Variants in NOL4 observed in about 807,000 individuals in gnomAD.
The protein encoded by NOL4 is cancer/testis antigen 125.
NOL4 carries 17 observed loss-of-function variants against 75.9 expected under a neutral mutation model. The ratio of observed to expected loss-of-function variants is 0.22; its 90% CI spans 0.15 to 0.34. The LOEUF (loss-of-function observed/expected upper bound fraction) is 0.34, where lower values mean the gene tolerates loss of function less well. Ranked by LOEUF, NOL4 falls within the 10% of genes least tolerant of loss-of-function variation. NOL4 has a pLI of 1.00. For missense variants in NOL4, 614 were observed against 793.5 expected (o/e 0.77, Z 2.72); for synonymous variants, 292 against 289.9 (o/e 1.01, Z -0.07).
At chr18:33,964,499 GAAAGA>G (rs542246996) in intron 6 of NOL4, among the ~76,000 whole-genome samples, 242 of 151,672 alleles carry the variant, frequency 1.6e-3, no homozygotes, top group African/African-American at 5.4e-3. Flanking sequence ...GGACAGAAAA[GAAAGA>G]AAAGAAAGGA....
chr18:34,095,968 A>ATG (rs1162996705), intron 4 of NOL4, among the ~76,000 whole-genome samples: 2 of 135,176 alleles, frequency 1.5e-5, no homozygotes, highest in African/African-American at 2.5e-5. Context: ...ATATGAGGAT[A>ATG]TGTATGTGTG....
rs1161399405 is a variant in NOL4, at chr18:34,204,381, TTTTTA to T, written c.264+18604_264+18608del. On this transcript the variant is annotated intron_variant, in intron 1 of 10. Transcript: ENST00000261592. The stretch of plus-strand genomic sequence containing the variant: ...TATCATATTTGTCTTATTTCATTCC[TTTTTA>T]TTTTAATATTCTGAGGTTTAATATT... Among the ~76,000 whole-genome samples, 4 of 152,244 alleles carry T rather than the reference TTTTTA, an allele frequency of 2.6e-5. No homozygotes were observed. In the East Asian group the frequency reaches 5.8e-4, roughly 22 times the overall value.
intron 6 of NOL4, among the ~76,000 whole-genome samples, chr18:33,965,151 T>C (rs573693182): frequency 2.2e-4 from 33 of 152,246 alleles, no homozygotes; most frequent in African/African-American, 7.2e-4. Flanking sequence ...AGTTAAGATA[T>C]GGAGATGATA....
chr18:34,034,350 C>G (rs1161085773), intron 5 of NOL4, among the ~76,000 whole-genome samples: 1 of 152,106 alleles, frequency 6.6e-6, no homozygotes, highest in East Asian at 1.9e-4. Context: ...TTAAAATAAT[C>G]CAACTACAAA....
At chr18:33,925,137 C>T (rs984326186) in intron 9 of NOL4, among the ~76,000 whole-genome samples, 5 of 52,006 alleles carry the variant, frequency 9.6e-5, no homozygotes, top group Admixed American at 2.2e-4. Context: ...TTAAAATATA[C>T]AATAACACAA....
At chr18:33,868,247 T>C (rs563021210) in intron 10 of NOL4, among the ~76,000 whole-genome samples, 19 of 151,812 alleles carry the variant, frequency 1.3e-4, no homozygotes, top group Admixed American at 2.6e-4. Context: ...ATTTGCTATG[T>C]TGCCCAGGCT....
chr18:33,912,371 T>C (rs1361181025), intron 9 of NOL4, among the ~76,000 whole-genome samples: 1 of 152,096 alleles, frequency 6.6e-6, no homozygotes, highest in African/African-American at 2.4e-5. Flanking sequence ...TTAATATATG[T>C]ATGAAATTAT....
chr18:34,156,686 T>C (rs1266365195), intron 1 of NOL4: 1 of 152,522 alleles, frequency 6.6e-6, no homozygotes, highest in Non-Finnish European at 1.5e-5. Flanking sequence ...ACCACTGTCA[T>C]CGCTGATCCG....
chr18:34,037,477 C>A (rs2075960989), intron 5 of NOL4, among the ~76,000 whole-genome samples: 1 of 151,966 alleles, frequency 6.6e-6, no homozygotes, highest in African/African-American at 2.4e-5. Flanking sequence ...GTAAAAAGAA[C>A]AAAGCTGGAG....
At chr18:34,154,770 A>T (rs923547988) in intron 1 of NOL4, among the ~76,000 whole-genome samples, 3 of 151,976 alleles carry the variant, frequency 2.0e-5, no homozygotes. Flanking sequence ...TCTCTCTAGC[A>T]GTATACTAAC....
chr18:34,006,329 G>A (rs192946137), intron 6 of NOL4, among the ~76,000 whole-genome samples: 238 of 152,220 alleles, frequency 1.6e-3, no homozygotes, highest in African/African-American at 5.3e-3. Flanking sequence ...TTACTTCTGA[G>A]AGTGCCTGCA....
intron 1 of NOL4, among the ~76,000 whole-genome samples, chr18:34,157,392 CA>C (rs2030616056): frequency 6.6e-6 from 1 of 151,808 alleles, no homozygotes; most frequent in African/African-American, 2.4e-5. Flanking sequence ...ATAGAAAATA[CA>C]ATAAGAAAAT....
chr18:34,150,840 G>A (rs1481657146), intron 1 of NOL4, among the ~76,000 whole-genome samples: 3 of 151,610 alleles, frequency 2.0e-5, no homozygotes, highest in Non-Finnish European at 4.4e-5. Context: ...GCCACAGACT[G>A]GAAGAAAATC....
intron 10 of NOL4, among the ~76,000 whole-genome samples, chr18:33,871,143 G>A (rs1040713530): frequency 1.3e-5 from 2 of 152,004 alleles, no homozygotes; most frequent in African/African-American, 4.8e-5. Context: ...AAATTAACTT[G>A]TGCCTTGAAA....
intron 10 of NOL4, among the ~76,000 whole-genome samples, chr18:33,874,313 T>C (rs1231129762): frequency 6.6e-6 from 1 of 151,858 alleles, no homozygotes; most frequent in East Asian, 1.9e-4. Flanking sequence ...TACCATGAAA[T>C]TGTATTTCAA....
At chr18:34,032,835 C>A (rs2075707292) in intron 5 of NOL4, among the ~76,000 whole-genome samples, 3 of 152,198 alleles carry the variant, frequency 2.0e-5, no homozygotes, top group Admixed American at 2.0e-4. Flanking sequence ...GCTGCCATCA[C>A]TGGGGCCTAA....
chr18:34,174,359 T>C (rs1407723235), intron 1 of NOL4, among the ~76,000 whole-genome samples: 1 of 152,138 alleles, frequency 6.6e-6, no homozygotes, highest in African/African-American at 2.4e-5. Context: ...TCAAAAACTC[T>C]TAATTTATCA....
chr18:34,159,216 G>A (rs904575025), intron 1 of NOL4, among the ~76,000 whole-genome samples: 2 of 152,166 alleles, frequency 1.3e-5, no homozygotes, highest in East Asian at 1.9e-4. Flanking sequence ...ACCTGCAGGC[G>A]CGCTAAGCGC....
At chr18:33,975,049 T>C (rs780352540) in intron 6 of NOL4, among the ~76,000 whole-genome samples, 3 of 147,262 alleles carry the variant, frequency 2.0e-5, no homozygotes, top group African/African-American at 5.1e-5. Context: ...CATTACACTA[T>C]GTTAAATAAG....
Sources: gnomAD v4.1 joint callset for allele counts (sites outside exome capture counted in the v4.1 genomes callset) on GRCh38, gnomAD v4.1.1 for gene constraint, MANE v1.5 for transcripts, NCBI Gene and HGNC (gene_info 2026-07-23, HGNC 2026-07-21) for gene names.